ZNF681: variants seen among roughly 807,000 people sequenced by gnomAD.
ZNF681 encodes the protein zinc finger protein 681.
A neutral mutation model predicts 56.0 loss-of-function variants in ZNF681; 37 were observed. The ratio of observed to expected loss-of-function variants is 0.66; its 90% CI spans 0.51 to 0.87. The LOEUF is 0.87. Ranked by LOEUF, ZNF681 falls within the 40% of genes least tolerant of loss-of-function variation. ZNF681 has a pLI of 0.00. For synonymous variants in ZNF681, 225 were observed against 248.6 expected, an observed-to-expected ratio of 0.91 and a Z score of 0.89; for missense variants, 741 against 744.9, an observed-to-expected ratio of 0.99 and a Z score of 0.06.
chr19:23,758,786 G>T lies in ZNF681; in HGVS notation c.-37C>A. 1 of 1,614,128 alleles carries T rather than the reference G, an allele frequency of 6.2e-7. No individual in the cohort carries two copies. On this transcript the variant is annotated 5_prime_UTR_variant, in exon 1 of 4. Coordinates refer to ENST00000402377, the MANE Select transcript of ZNF681 (RefSeq NM_138286.3). ...CGGGGGACCTGGCGTCTTAGCTATGGATCGCCAATACCTGCAGGTCAGAGG... is the reference window on the plus strand; with the variant it reads ...CGGGGGACCTGGCGTCTTAGCTATGTATCGCCAATACCTGCAGGTCAGAGG...
In ZNF681 at chr19:23,758,868, G is replaced by A. The variant is rs1969168650; in HGVS notation, c.-119C>T. 3 of 1,427,760 alleles carry A rather than the reference G, an allele frequency of 2.1e-6. No homozygotes were observed. Among genetic ancestry groups the A allele is most frequent in the Non-Finnish European group, 2.9e-6 (3 of 1,035,308 alleles). The allele number at this position is 1,427,760 out of a possible 1,614,324, so 88.4% of individuals were successfully genotyped here. On this transcript the variant is annotated 5_prime_UTR_variant, in exon 1 of 4. Coordinates refer to ENST00000402377, the MANE Select transcript of ZNF681 (RefSeq NM_138286.3). ...ACACAGAGCAGTGAAGACGAGACCCGGAGCTCGGGCTGAAGGGAGAGACAA... is the reference window on the plus strand; with the variant it reads ...ACACAGAGCAGTGAAGACGAGACCCAGAGCTCGGGCTGAAGGGAGAGACAA...
chr19:23,740,335 G>A lies in ZNF681; in HGVS notation c.*3277C>T, dbSNP rs559595934. ...TGTAGCCACAGCACAGCAAAAAGGA[G>A]GGCTGTGATGCATACACAGCTGAAA... On this transcript the variant is annotated 3_prime_UTR_variant, in exon 4 of 4. Transcript: ENST00000402377. The A allele has an allele frequency of 6.6e-6, 1 of 152,206 alleles. No individual in the cohort carries two copies. Among genetic ancestry groups the A allele is most frequent in the African/African-American group, 2.4e-5 (1 of 41,530 alleles). The allele number at this position is 152,206 out of a possible 1,614,324, so 9.4% of individuals were successfully genotyped here.
intron 1 of ZNF681, 33 bp downstream of exon 1, chr19:23,758,714 C>G: frequency 6.2e-7 from 1 of 1,614,196 alleles, no homozygotes; most frequent in South Asian, 1.1e-5. Context: ...AGCCCCTTCC[C>G]CTCTCTCGGG....
rs1968886111 is a variant in ZNF681 at position 23,742,563 on chromosome 19, T to G, written c.*1049A>C. On this transcript the variant is annotated 3_prime_UTR_variant, in exon 4 of 4. Transcript: ENST00000402377. ...TTTTTCTCAATATAACACAGGATAT[T>G]TATCTGAACTCCTACCTCATGCATC... 1 of 152,100 alleles carries G rather than the reference T, an allele frequency of 6.6e-6. No individual in the cohort carries two copies. Among genetic ancestry groups the G allele is most frequent in the Non-Finnish European group, 1.5e-5 (1 of 68,020 alleles). 9.4% of individuals were successfully genotyped at this position (152,100 alleles called of 1,614,324 possible).
rs1968859285 is a variant in ZNF681, at chr19:23,740,083, A to G, written c.*3529T>C. The G allele has an allele frequency of 6.6e-6, 1 of 152,184 alleles. No homozygotes were observed. Among genetic ancestry groups the G allele is most frequent in the Non-Finnish European group, 1.5e-5 (1 of 68,018 alleles). 9.4% of individuals were successfully genotyped at this position (152,184 alleles called of 1,614,324 possible). On this transcript the variant is annotated 3_prime_UTR_variant, in exon 4 of 4. Coordinates refer to ENST00000402377, the MANE Select transcript of ZNF681 (RefSeq NM_138286.3). ...GCCACACTTTGTGTAAGAATTTAAT[A>G]AGATTATTCTTTAACAAACAGAGAA...
rs1046578184 is a variant in ZNF681, at chr19:23,739,860, G to A, written c.*3752C>T. The A allele has an allele frequency of 4.6e-5, 7 of 152,046 alleles. No homozygotes were observed. Among genetic ancestry groups the A allele is most frequent in the African/African-American group, 1.7e-4 (7 of 41,400 alleles). The allele number at this position is 152,046 out of a possible 1,614,324, so 9.4% of individuals were successfully genotyped here. ...AAAACTGAGAAAATTTCTTCAAATT[G>A]TAATATGAATATGGAAAAGAAATAT... On this transcript the variant is annotated 3_prime_UTR_variant, in exon 4 of 4. Transcript: ENST00000402377.
intron 3 of ZNF681, among the ~76,000 whole-genome samples, chr19:23,748,166 C>G (rs1968972973): frequency 6.6e-6 from 1 of 151,786 alleles, no homozygotes; most frequent in South Asian, 2.1e-4. Flanking sequence ...TTCCACACAT[C>G]AAAAAAACAT....
rs1257965836 is a variant in ZNF681 at position 23,744,340 on chromosome 19, T to G, written c.1210A>C (p.Asn404His). Residue 404 changes from asparagine (N) to histidine (H), a missense_variant, in exon 4 of 4, where the codon AAC becomes CAC. Coordinates refer to ENST00000402377, the MANE Select transcript of ZNF681 (RefSeq NM_138286.3). ...YKCEECGKAF[N>H]KSSHLTRHKS... ...TGTCTAGTAAGGTGTGAGGACTTGTTAAAAGCTTTGCCACATTCTTCACAT... is the reference window on the plus strand; with the variant it reads ...TGTCTAGTAAGGTGTGAGGACTTGTGAAAAGCTTTGCCACATTCTTCACAT... The G allele has an allele frequency of 1.2e-6, 2 of 1,613,496 alleles. No individual in the cohort carries two copies. The highest frequency in any genetic ancestry group is 2.7e-5 in the African/African-American group (2 of 74,774).
intron 3 of ZNF681, among the ~76,000 whole-genome samples, chr19:23,752,726 C>T (rs1969051067): frequency 1.3e-5 from 2 of 152,194 alleles, no homozygotes; most frequent in African/African-American, 4.8e-5. Context: ...GAGGGCATCT[C>T]ATTACCCTGG....
In ZNF681 at chr19:23,744,579, T is replaced by C; in HGVS notation, c.971A>G (p.His324Arg). The C allele has an allele frequency of 6.2e-7, 1 of 1,613,962 alleles. No individual in the cohort carries two copies. Among genetic ancestry groups the C allele is most frequent in the Non-Finnish European group, 8.5e-7 (1 of 1,179,950 alleles). The change falls in exon 4 of 4, where the codon CAC becomes CGC. Residue 324 changes from histidine (H) to arginine (R), a missense_variant. Coordinates refer to ENST00000402377, the MANE Select transcript of ZNF681 (RefSeq NM_138286.3). The stretch of plus-strand genomic sequence containing the variant: ...ATGAATTATCTTATGTCTGGTAAGG[T>C]GTGAGGACTGGTTGAAAGCTTTGCC... ...ECGKAFNQSS[H>R]LTRHKIIHTG...
At chr19:23,751,823 C>T (rs1222397662) in intron 3 of ZNF681, among the ~76,000 whole-genome samples, 2 of 152,092 alleles carry the variant, frequency 1.3e-5, no homozygotes, top group African/African-American at 4.8e-5. Context: ...ATAGCTGGGA[C>T]TACAGGCGCC....
At position 23,753,567 on chromosome 19, in the gene ZNF681, T is replaced by A. The variant is rs185011965; in HGVS notation, c.226+1256A>T. 9.8e-5 allele frequency among the ~76,000 whole-genome samples: 15 copies of A among 152,398 alleles called. No homozygotes were observed. In the South Asian group the frequency reaches 2.1e-3, roughly 21 times the overall value. On this transcript the variant is annotated intron_variant, in intron 3 of 3. Coordinates refer to ENST00000402377, the MANE Select transcript of ZNF681 (RefSeq NM_138286.3). ...TATAGATTGAAAGAATAAATACTGT[T>A]AAAGTGCCATGTTGGCCAGGCACGG...
In ZNF681 at chr19:23,744,993, G is replaced by C. The variant is rs200245616; in HGVS notation, c.557C>G (p.Thr186Ser). The change falls in exon 4 of 4, where the codon ACT (threonine) becomes AGT (serine). Residue 186 changes from threonine to serine, a missense_variant. Transcript: ENST00000402377. ...TCTAGTACAAATTATTTTATGTTGA[G>C]TTAGGTTTGAAAATATGCAAAATGA... Reference protein sequence around the residue: ...GKSFCIFSNLTQHKIICTRVN... With the variant: ...GKSFCIFSNLSQHKIICTRVN... 1 of 1,600,474 alleles carries C rather than the reference G, an allele frequency of 6.2e-7. No individual in the cohort carries two copies.
chr19:23,744,855 C>T lies in ZNF681; in HGVS notation c.695G>A (p.Gly232Asp), dbSNP rs753701393. 4 of 1,613,122 alleles carry T rather than the reference C, an allele frequency of 2.5e-6. No individual in the cohort carries two copies. The East Asian group carries it at 8.9e-5, about 36-fold the overall frequency. The change falls in exon 4 of 4, where the codon GGC (glycine) becomes GAC (aspartate). Residue 232 changes from glycine to aspartate, a missense_variant. Transcript: ENST00000402377. Reference protein sequence around the residue: ...GEKSYICEECGKACNQFTNLT... With the variant: ...GEKSYICEECDKACNQFTNLT... ...GTTTGTGAACTGGTTACAGGCTTTG[C>T]CACATTCTTCACATATGTACGATTT...
At chr19:23,745,449 A>ATT (rs370284460) in intron 3 of ZNF681, 126 bp from the exon 4 acceptor site, 6,137 of 475,762 alleles carry the variant, frequency 0.013, no homozygotes, top group Non-Finnish European at 0.015. Flanking sequence ...AAAGGCCCTA[A>ATT]TTTTTTTTTT....
chr19:23,753,388 G>C (rs1336361734), intron 3 of ZNF681, among the ~76,000 whole-genome samples: 1 of 152,284 alleles, frequency 6.6e-6, no homozygotes, highest in Non-Finnish European at 1.5e-5. Flanking sequence ...AACAGAGCAA[G>C]ACTCTGTCTC....
At chr19:23,752,979 G>T (rs1969055071) in intron 3 of ZNF681, among the ~76,000 whole-genome samples, 1 of 151,506 alleles carries the variant, frequency 6.6e-6, no homozygotes, top group Non-Finnish European at 1.5e-5. Flanking sequence ...TAGTATATGT[G>T]TATATATATA....
rs1968906741 is a variant in ZNF681 at position 23,744,168 on chromosome 19, TG to T, written c.1381del (p.Gln461SerfsTer94). The T allele has an allele frequency of 1.2e-6, 2 of 1,613,562 alleles. No individual in the cohort carries two copies. Among genetic ancestry groups the T allele is most frequent in the Non-Finnish European group, 1.7e-6 (2 of 1,179,874 alleles). On this transcript the variant is annotated frameshift_variant, in exon 4 of 4. Coordinates refer to ENST00000402377, the MANE Select transcript of ZNF681 (RefSeq NM_138286.3). LOFTEE classifies it high-confidence loss of function. ...KCEECGKAFN[Q>X]FSNLTTHKRI... ...TTTATGTGTAGTAAGGTTTGAGAAC[TG>T]GTTAAAGGCTTTCCCACATTCTTCA... is the stretch of plus-strand genomic sequence containing the variant.
rs1968910766 is a variant in ZNF681 at position 23,744,390 on chromosome 19, ATTATC to A, written c.1155_1159del (p.Lys385AsnfsTer11). The stretch of plus-strand genomic sequence containing the variant: ...TTTGTAGGGTTTCTCTCCAGTATGA[ATTATC>A]TTATGTGTAGTAAGGTGTGAGGACT... On this transcript the variant is annotated frameshift_variant, in exon 4 of 4. Transcript: ENST00000402377. LOFTEE classifies it high-confidence loss of function. 6.2e-7 allele frequency: 1 copy of A among 1,613,426 alleles called. No individual in the cohort carries two copies. Among genetic ancestry groups the A allele is most frequent in the Non-Finnish European group, 8.5e-7 (1 of 1,179,828 alleles).
Sources: allele counts gnomAD v4.1 joint callset (sites outside exome capture counted in the v4.1 genomes callset), GRCh38; gene constraint gnomAD v4.1.1; transcripts MANE v1.5; gene names NCBI Gene and HGNC (gene_info 2026-07-23, HGNC 2026-07-21).